Variants in QTMAN observed in about 807,000 individuals in gnomAD.
The protein encoded by QTMAN is tRNA-queuosine alpha-mannosyltransferase.
At chr2:143,996,508 G>A in the QTMAN span, among the ~76,000 whole-genome samples, 1 of 152,008 alleles carries the variant, frequency 6.6e-6, no homozygotes, top group Non-Finnish European at 1.5e-5. Flanking sequence ...CTGAAACTGG[G>A]GAAACAATTT....
At chr2:144,305,175 T>A in the QTMAN span, among the ~76,000 whole-genome samples, 1 of 152,204 alleles carries the variant, frequency 6.6e-6, no homozygotes, top group East Asian at 1.9e-4. Flanking sequence ...AGGCTTTGAC[T>A]AACCCAAGAA....
chr2:144,295,249 C>G, the QTMAN span: 1 of 152,164 alleles, frequency 6.6e-6, no homozygotes, highest in East Asian at 1.9e-4. Context: ...AGCTAAGGCT[C>G]ACTTCCTAAG....
At chr2:144,090,290 C>T in the QTMAN span, among the ~76,000 whole-genome samples, 1 of 152,008 alleles carries the variant, frequency 6.6e-6, no homozygotes, top group Non-Finnish European at 1.5e-5. Context: ...AATGCTTTCC[C>T]TCTAAAATCA....
chr2:144,169,253 T>C, the QTMAN span, among the ~76,000 whole-genome samples: 1 of 152,130 alleles, frequency 6.6e-6, no homozygotes, highest in South Asian at 2.1e-4. Context: ...TGTGCAGCCA[T>C]GGTTGAGAGG....
At chr2:144,148,903 C>G in the QTMAN span, among the ~76,000 whole-genome samples, 103 of 152,028 alleles carry the variant, frequency 6.8e-4, no homozygotes, top group African/African-American at 2.4e-3. Flanking sequence ...ATAGCCCTCA[C>G]TAGTTTTAAA....
chr2:143,995,334 A>T, the QTMAN span, among the ~76,000 whole-genome samples: 1 of 151,938 alleles, frequency 6.6e-6, no homozygotes, highest in South Asian at 2.1e-4. Context: ...TTTCTAGGAG[A>T]GTTAAGAAAA....
the QTMAN span, among the ~76,000 whole-genome samples, chr2:143,996,725 A>G: frequency 6.6e-6 from 1 of 152,076 alleles, no homozygotes; most frequent in East Asian, 1.9e-4. Context: ...CTAGAGTTGC[A>G]TTTTCTAAGG....
the QTMAN span, among the ~76,000 whole-genome samples, chr2:144,008,046 C>A: frequency 9.2e-5 from 14 of 152,214 alleles, no homozygotes; most frequent in African/African-American, 3.1e-4. Flanking sequence ...ATTTTAATAT[C>A]TTTTTTATTA....
the QTMAN span, among the ~76,000 whole-genome samples, chr2:144,310,463 CTTGTT>C: frequency 6.6e-6 from 1 of 152,182 alleles, no homozygotes; most frequent in Non-Finnish European, 1.5e-5. Context: ...CAGGATTTAA[CTTGTT>C]TTAACCTAAA....
chr2:144,256,043 A>G, the QTMAN span, among the ~76,000 whole-genome samples: 2 of 152,242 alleles, frequency 1.3e-5, no homozygotes, highest in Admixed American at 1.3e-4. Context: ...ACATATGATA[A>G]GTTATTTCTA....
the QTMAN span, among the ~76,000 whole-genome samples, chr2:144,099,609 T>C: frequency 6.6e-6 from 1 of 152,224 alleles, no homozygotes; most frequent in Non-Finnish European, 1.5e-5. Context: ...TACGTCTCCT[T>C]CTTTCCACAT....
At chr2:144,292,897 C>T in the QTMAN span, among the ~76,000 whole-genome samples, 2 of 152,054 alleles carry the variant, frequency 1.3e-5, no homozygotes, top group Non-Finnish European at 2.9e-5. Flanking sequence ...CACAAATTAT[C>T]AAGTAATTCA....
the QTMAN span, among the ~76,000 whole-genome samples, chr2:144,153,111 A>C: frequency 3.3e-5 from 5 of 152,168 alleles, no homozygotes; most frequent in African/African-American, 1.2e-4. Context: ...TTTGGAAAAA[A>C]ATGAATAATC....
the QTMAN span, among the ~76,000 whole-genome samples, chr2:144,096,988 T>C: frequency 1.3e-5 from 2 of 152,222 alleles, no homozygotes; most frequent in Non-Finnish European, 2.9e-5. Flanking sequence ...TACATAATCA[T>C]CTATATAATT....
the QTMAN span, among the ~76,000 whole-genome samples, chr2:143,958,766 T>C: frequency 6.6e-6 from 1 of 151,406 alleles, no homozygotes; most frequent in East Asian, 1.9e-4. Flanking sequence ...TTTGGGTGAT[T>C]TTTATTTCTT....
At chr2:144,184,988 G>T in the QTMAN span, among the ~76,000 whole-genome samples, 3 of 152,078 alleles carry the variant, frequency 2.0e-5, no homozygotes, top group Non-Finnish European at 4.4e-5. Flanking sequence ...TGTAAAAAAG[G>T]TGCTATTACC....
At chr2:144,250,896 TA>T in the QTMAN span, among the ~76,000 whole-genome samples, 3 of 151,780 alleles carry the variant, frequency 2.0e-5, no homozygotes, top group Non-Finnish European at 4.4e-5. Flanking sequence ...TCTTTCTTAG[TA>T]AAAAAAAGCA....
chr2:143,998,320 CA>C, the QTMAN span, among the ~76,000 whole-genome samples: 1 of 151,980 alleles, frequency 6.6e-6, no homozygotes, highest in Non-Finnish European at 1.5e-5. Context: ...AAACCTTAAA[CA>C]TTTTGTTTCT....
the QTMAN span, among the ~76,000 whole-genome samples, chr2:144,083,077 T>C: frequency 1.3e-5 from 2 of 150,532 alleles, no homozygotes; most frequent in African/African-American, 4.9e-5. Flanking sequence ...AAAAGAAGTG[T>C]AGAATAATGC....
Sources: allele counts gnomAD v4.1 joint callset (sites outside exome capture counted in the v4.1 genomes callset), GRCh38; gene constraint gnomAD v4.1.1; transcripts MANE v1.5; gene names NCBI Gene and HGNC (gene_info 2026-07-23, HGNC 2026-07-21).